Variants in PPFIA2 observed in about 807,000 individuals in gnomAD.
PPFIA2 encodes the protein PPFI scaffold protein A2, also known as liprin-alpha-2.
A neutral mutation model predicts 175.5 loss-of-function variants in PPFIA2; 46 were observed. The observed-to-expected ratio is 0.26, with a 90% CI of 0.21 to 0.34. PPFIA2 has a LOEUF of 0.34. Ranked by LOEUF, PPFIA2 falls within the 10% of genes least tolerant of loss-of-function variation. PPFIA2 has a pLI of 1.00. For missense variants in PPFIA2, 1,179 were observed against 1,506.1 expected (o/e 0.78, Z 3.60); for synonymous variants, 568 against 511.4 (o/e 1.11, Z -1.49).
chr12:81,655,747 T>A (rs1223577328), intron 4 of PPFIA2, among the ~76,000 whole-genome samples: 2 of 152,046 alleles, frequency 1.3e-5, no homozygotes, highest in African/African-American at 4.8e-5. Context: ...TTTGGGGAAA[T>A]AAAGTAAGCG....
At chr12:81,453,138 C>T (rs1384719281) in intron 5 of PPFIA2, among the ~76,000 whole-genome samples, 1 of 108,340 alleles carries the variant, frequency 9.2e-6, no homozygotes, top group South Asian at 3.9e-4. Flanking sequence ...AGTGCTATCC[C>T]TCCCCCCTCC....
intron 26 of PPFIA2, 156 bp downstream of exon 26, chr12:81,282,854 A>G: frequency 2.0e-6 from 1 of 498,838 alleles, no homozygotes; most frequent in Non-Finnish European, 3.6e-6. Context: ...AAAGACATAT[A>G]AAGTATTAAA....
intron 4 of PPFIA2, among the ~76,000 whole-genome samples, chr12:81,659,623 C>T (rs990360244): frequency 6.6e-6 from 1 of 152,188 alleles, no homozygotes; most frequent in East Asian, 1.9e-4. Flanking sequence ...GACTCCACCT[C>T]TGGGGGCAAG....
intron 4 of PPFIA2, among the ~76,000 whole-genome samples, chr12:81,463,448 A>G (rs2055023245): frequency 6.6e-6 from 1 of 152,114 alleles, no homozygotes; most frequent in Non-Finnish European, 1.5e-5. Context: ...TCACCAACCT[A>G]TGCATGGCAA....
At position 81,642,847 on chromosome 12, in the gene PPFIA2, A is replaced by G. The variant is rs549737416; in HGVS notation, c.303+33944T>C. Among the ~76,000 whole-genome samples the G allele has an allele frequency of 3.7e-4, 51 of 138,140 alleles. 1 individual carries two copies. Among genetic ancestry groups the G allele is most frequent in the Middle Eastern group, 0.022 (2 of 92 alleles). The allele number at this position is 138,140 out of a possible 152,430, so 90.6% of individuals were successfully genotyped here. On this transcript the variant is annotated intron_variant, in intron 4 of 32. Transcript: ENST00000549396. ...ATATGTATGTATGTATTACATACATATATAACATGTATTACATATGTGTTG... is the reference window on the plus strand; with the variant it reads ...ATATGTATGTATGTATTACATACATGTATAACATGTATTACATATGTGTTG...
chr12:81,397,189 A>G (rs2041289071), intron 8 of PPFIA2, among the ~76,000 whole-genome samples: 1 of 152,076 alleles, frequency 6.6e-6, no homozygotes, highest in African/African-American at 2.4e-5. Context: ...GTATATGAAT[A>G]GGATGAGATT....
intron 4 of PPFIA2, among the ~76,000 whole-genome samples, chr12:81,462,006 C>T (rs2054617356): frequency 6.6e-6 from 1 of 151,692 alleles, no homozygotes; most frequent in African/African-American, 2.4e-5. Context: ...ATTAAGTAAA[C>T]AGTAAATCCT....
Position 81,701,915 on chromosome 12 carries a change from T to TAAA in PPFIA2, c.250-25074_250-25072dup, listed in dbSNP as rs748051152. On this transcript the variant is annotated intron_variant, in intron 3 of 32. Transcript: ENST00000549396. Reference sequence around the variant, plus strand: ...TAAACTATACACTTTATGGGAAGACTAAAAAAAAAAAAAAAAAAAAAGTAA... The same window carrying TAAA: ...TAAACTATACACTTTATGGGAAGACTAAAAAAAAAAAAAAAAAAAAAAAAGTAA... Among the ~76,000 whole-genome samples, 242 of 84,162 alleles carry TAAA rather than the reference T, an allele frequency of 2.9e-3. 3 individuals carry two copies. Among genetic ancestry groups the TAAA allele is most frequent in the African/African-American group, 0.01 (198 of 18,884 alleles). 55.2% of individuals were successfully genotyped at this position (84,162 alleles called of 152,430 possible).
chr12:81,267,763 A>G (rs1466868761), intron 29 of PPFIA2, 149 bp downstream of exon 29: 1 of 553,646 alleles, frequency 1.8e-6, no homozygotes, highest in Non-Finnish European at 2.8e-6. Context: ...GAAATCCACT[A>G]GCCTGAAATT....
intron 4 of PPFIA2, among the ~76,000 whole-genome samples, chr12:81,511,595 T>C (rs1197975843): frequency 2.6e-5 from 4 of 152,194 alleles, no homozygotes; most frequent in East Asian, 1.9e-4. Context: ...ATTTCCTCTA[T>C]ACTGTAGGTT....
At chr12:81,462,575 TATATATATAC>T (rs1274124316) in intron 4 of PPFIA2, among the ~76,000 whole-genome samples, 2 of 60,660 alleles carry the variant, frequency 3.3e-5, no homozygotes, top group African/African-American at 1.5e-4. Context: ...TATGTGTATA[TATATATATAC>T]ATATATATAT....
At chr12:81,753,409 C>T (rs984792534) in intron 3 of PPFIA2, among the ~76,000 whole-genome samples, 2 of 151,070 alleles carry the variant, frequency 1.3e-5, no homozygotes, top group African/African-American at 4.9e-5. Flanking sequence ...TTTTCCCTTT[C>T]ACCAATCTTC....
At chr12:81,346,834 AAC>A (rs200435557) in intron 18 of PPFIA2, among the ~76,000 whole-genome samples, 4 of 151,822 alleles carry the variant, frequency 2.6e-5, no homozygotes, top group African/African-American at 7.2e-5. Flanking sequence ...TTATGTTAAA[AAC>A]ACACACACAC....
At chr12:81,286,088 G>A (rs1469185676) in intron 24 of PPFIA2, among the ~76,000 whole-genome samples, 5 of 151,608 alleles carry the variant, frequency 3.3e-5, no homozygotes, top group Non-Finnish European at 7.4e-5. Flanking sequence ...GCTTAAAGAG[G>A]GGAAAAAATA....
chr12:81,550,309 C>G (rs17008693), intron 4 of PPFIA2, among the ~76,000 whole-genome samples: 18,322 of 151,884 alleles, frequency 0.12, 1,215 homozygotes, highest in Middle Eastern at 0.13. Flanking sequence ...TGAGCTAAGA[C>G]TTTCAGAATG....
chr12:81,721,444 C>T (rs1388609823), intron 3 of PPFIA2, among the ~76,000 whole-genome samples: 1 of 147,250 alleles, frequency 6.8e-6, no homozygotes, highest in Non-Finnish European at 1.5e-5. Context: ...CTAATACACA[C>T]ACACATAAAC....
At chr12:81,502,266 C>T (rs1018204238) in intron 4 of PPFIA2, among the ~76,000 whole-genome samples, 2 of 152,096 alleles carry the variant, frequency 1.3e-5, no homozygotes, top group African/African-American at 2.4e-5. Context: ...TACATAAAAA[C>T]GATATGGAAC....
intron 4 of PPFIA2, among the ~76,000 whole-genome samples, chr12:81,658,280 A>AG (rs58722270): frequency 0.48 from 54,690 of 113,972 alleles, 11,871 homozygotes; most frequent in Non-Finnish European, 0.53. Flanking sequence ...AAAAAAAAAA[A>AG]AAAAGAAAAG....
At chr12:81,653,929 A>C (rs1313759888) in intron 4 of PPFIA2, among the ~76,000 whole-genome samples, 1 of 152,110 alleles carries the variant, frequency 6.6e-6, no homozygotes, top group African/African-American at 2.4e-5. Context: ...GTGAATACAT[A>C]CTAAATATAG....
Sources: allele counts gnomAD v4.1 joint callset (sites outside exome capture counted in the v4.1 genomes callset), GRCh38; gene constraint gnomAD v4.1.1; transcripts MANE v1.5; gene names NCBI Gene and HGNC (gene_info 2026-07-23, HGNC 2026-07-21).